Variants in VAV1 observed in about 807,000 individuals in gnomAD.
VAV1 encodes proto-oncogene vav.
A neutral mutation model predicts 128.1 loss-of-function variants in VAV1; 33 were observed. The observed-to-expected ratio is 0.26, with a 90% CI of 0.20 to 0.34. The LOEUF is 0.34. Ranked by LOEUF, VAV1 falls within the 10% of genes least tolerant of loss-of-function variation. The probability of loss-of-function intolerance (pLI) is 1.00; values close to 1 mark genes in which losing one functional copy is unlikely to be tolerated. For missense variants in VAV1, 715 were observed against 1,093.7 expected, an observed-to-expected ratio of 0.65 and a Z score of 4.88; for synonymous variants, 394 against 409.8, an observed-to-expected ratio of 0.96 and a Z score of 0.47.
At chr19:6,823,049 A>G (rs7251166) in intron 6 of VAV1, among the ~76,000 whole-genome samples, 2,538 of 148,290 alleles carry the variant, frequency 0.017, 86 homozygotes, top group African/African-American at 0.059. Flanking sequence ...TTTTTAATAT[A>G]CAAGATATAT....
At chr19:6,812,587 G>T (rs1277798174) in intron 1 of VAV1, among the ~76,000 whole-genome samples, 1 of 152,162 alleles carries the variant, frequency 6.6e-6, no homozygotes, top group African/African-American at 2.4e-5. Flanking sequence ...GGAGGTGGAG[G>T]TTGCAGTGAG....
chr19:6,814,674 T>TCCTTCCTTCCTTTCTCTCTC (rs1568299208), intron 1 of VAV1, among the ~76,000 whole-genome samples: 1 of 95,184 alleles, frequency 1.1e-5, no homozygotes, highest in African/African-American at 5.5e-5. Flanking sequence ...CTTCCTTCCT[T>TCCTTCCTTCCTTTCTCTCTC]TCTTTCTTTC....
At chr19:6,848,887 A>G (rs1354042253) in intron 23 of VAV1, among the ~76,000 whole-genome samples, 4 of 151,558 alleles carry the variant, frequency 2.6e-5, no homozygotes, top group African/African-American at 9.7e-5. Context: ...TCTGCCTCCC[A>G]GATTCAGGGG....
At chr19:6,786,449 A>G (rs908971116) in intron 1 of VAV1, among the ~76,000 whole-genome samples, 7 of 151,928 alleles carry the variant, frequency 4.6e-5, no homozygotes, top group Non-Finnish European at 7.4e-5. Flanking sequence ...GCAACACAGC[A>G]AGCCCGTCCC....
chr19:6,852,678 G>A (rs553952773), intron 24 of VAV1, among the ~76,000 whole-genome samples: 12 of 150,696 alleles, frequency 8.0e-5, no homozygotes, highest in East Asian at 3.9e-4. Flanking sequence ...CCGAGATTGC[G>A]CCACTGCACT....
At chr19:6,818,117 G>A (rs1369766931) in intron 1 of VAV1, among the ~76,000 whole-genome samples, 1 of 151,892 alleles carries the variant, frequency 6.6e-6, no homozygotes, top group Non-Finnish European at 1.5e-5. Context: ...ACCACACCCA[G>A]CTGACTTTTT....
chr19:6,793,934 GATAA>G (rs896874505), intron 1 of VAV1, among the ~76,000 whole-genome samples: 24 of 152,106 alleles, frequency 1.6e-4, no homozygotes, highest in African/African-American at 5.8e-4. Context: ...TTAAATGATT[GATAA>G]ATAAATCATT....
At chr19:6,856,576 T>C (rs1462087134) in intron 26 of VAV1, among the ~76,000 whole-genome samples, 1 of 150,740 alleles carries the variant, frequency 6.6e-6, no homozygotes, top group Non-Finnish European at 1.5e-5. Flanking sequence ...ACAAAAAAAT[T>C]AGCCGGGTGT....
Position 6,826,559 on chromosome 19 carries a change from G to C in VAV1, c.828-53G>C. ...AAGGCCAGGGCTGACGCCAGCCTCT[G>C]CCCGACCTTGATGCCAGTCACCTTT... On this transcript the variant is annotated intron_variant, in intron 8 of 26. Transcript: ENST00000602142. The surrounding 1 kb of genome is among the most constrained non-coding windows in gnomAD (Gnocchi z 4.1). 1 of 1,421,536 alleles carries C rather than the reference G, an allele frequency of 7.0e-7. No homozygotes were observed. The highest frequency in any genetic ancestry group is 9.7e-7 in the Non-Finnish European group (1 of 1,032,176). 88.1% of individuals were successfully genotyped at this position (1,421,536 alleles called of 1,614,324 possible).
intron 1 of VAV1, among the ~76,000 whole-genome samples, chr19:6,803,210 A>G (rs12232825): frequency 0.073 from 11,121 of 152,274 alleles, 918 homozygotes; most frequent in African/African-American, 0.21. Context: ...CTCGCAGAGC[A>G]GGGCTACCCC....
At chr19:6,840,652 A>G (rs982112295) in intron 21 of VAV1, among the ~76,000 whole-genome samples, 2 of 149,224 alleles carry the variant, frequency 1.3e-5, no homozygotes, top group Non-Finnish European at 3.0e-5. Context: ...CCCAGGCTGG[A>G]GTGCAGTGGT....
At chr19:6,796,252 C>G (rs1483487613) in intron 1 of VAV1, among the ~76,000 whole-genome samples, 1 of 152,060 alleles carries the variant, frequency 6.6e-6, no homozygotes, top group Non-Finnish European at 1.5e-5. Context: ...AGTGTGTACT[C>G]GAGAGAGAGG....
intron 1 of VAV1, among the ~76,000 whole-genome samples, chr19:6,778,889 TC>T (rs1808279526): frequency 6.6e-6 from 1 of 151,128 alleles, no homozygotes; most frequent in East Asian, 1.9e-4. Context: ...TTTTTTTTTT[TC>T]TTAAGAGACA....
intron 20 of VAV1, 22 bp from the exon 21 acceptor site, chr19:6,836,962 GT>G: frequency 6.2e-7 from 1 of 1,613,752 alleles, no homozygotes; most frequent in Non-Finnish European, 8.5e-7. Context: ...CTCTGTTCCT[GT>G]TTTTGTCTCC....
At chr19:6,836,405 C>A in intron 19 of VAV1, 27 bp from the exon 20 acceptor site, 1 of 1,605,980 alleles carries the variant, frequency 6.2e-7, no homozygotes, top group Non-Finnish European at 8.5e-7. Flanking sequence ...TGCCAACCAC[C>A]CTGTACTCCT....
rs1971979579 is a variant in VAV1 at position 6,828,751 on chromosome 19, G to A, written c.1179+43G>A. On this transcript the variant is annotated intron_variant, in intron 12 of 26. Transcript: ENST00000602142. The surrounding 1 kb of genome is among the most constrained non-coding windows in gnomAD (Gnocchi z 4.5). ...GGTGGGCCAGGGGTGTGGCCACGTG[G>A]GGAGAGTGTGTGTCTGGCTCCTTTC... 1.9e-6 allele frequency: 3 copies of A among 1,614,014 alleles called. No homozygotes were observed. Among genetic ancestry groups the A allele is most frequent in the Non-Finnish European group, 8.5e-7 (1 of 1,179,900 alleles).
intron 1 of VAV1, among the ~76,000 whole-genome samples, chr19:6,805,210 C>T (rs1971365211): frequency 6.6e-6 from 1 of 151,636 alleles, no homozygotes; most frequent in Admixed American, 6.6e-5. Flanking sequence ...GGATCACCTA[C>T]AGTCAGGAGT....
At chr19:6,814,671 C>CTCTCTCTCTCTCTCTCTCTCT in intron 1 of VAV1, among the ~76,000 whole-genome samples, 1 of 25,796 alleles carries the variant, frequency 3.9e-5, no homozygotes, top group African/African-American at 1.6e-4. Flanking sequence ...TTCCTTCCTT[C>CTCTCTCTCTCTCTCTCTCTCT]CTTTCTTTCT....
intron 21 of VAV1, among the ~76,000 whole-genome samples, chr19:6,839,698 A>C (rs148428113): frequency 8.4e-4 from 127 of 152,068 alleles, no homozygotes; most frequent in African/African-American, 3.0e-3. Flanking sequence ...TAACAATGTA[A>C]CCTTTTTTTT....
Sources: gnomAD v4.1 joint callset for allele counts (sites outside exome capture counted in the v4.1 genomes callset) on GRCh38, gnomAD v4.1.1 for gene constraint, Gnocchi (gnomAD v3.1) non-coding constraint, MANE v1.5 for transcripts, NCBI Gene and HGNC (gene_info 2026-07-23, HGNC 2026-07-21) for gene names.